ESRRG: variants seen among roughly 807,000 people sequenced by gnomAD.
ESRRG encodes the protein estrogen-related receptor gamma.
In ESRRG, 13 loss-of-function variants were observed where a neutral mutation model predicts 44.0. The ratio of observed to expected loss-of-function variants is 0.30; its 90% CI spans 0.19 to 0.47. The LOEUF (loss-of-function observed/expected upper bound fraction) is 0.47. ESRRG is among the 20% of genes least tolerant of loss of function. The probability of loss-of-function intolerance (pLI) is 1.00; values close to 1 mark genes in which losing one functional copy is unlikely to be tolerated. For synonymous variants in ESRRG, 215 were observed against 214.6 expected (o/e 1.00, Z -0.02); for missense variants, 395 against 580.6 (o/e 0.68, Z 3.29).
chr1:216,545,230 GTT>G (rs5780892), intron 5 of ESRRG, among the ~76,000 whole-genome samples: 10 of 139,592 alleles, frequency 7.2e-5, no homozygotes, highest in Admixed American at 1.4e-4. Context: ...TAATTTTTAT[GTT>G]TTTTTTTTTT....
intron 2 of ESRRG, among the ~76,000 whole-genome samples, chr1:216,782,313 G>C (rs144332885): frequency 4.9e-4 from 75 of 152,112 alleles, no homozygotes; most frequent in Middle Eastern, 3.4e-3. Context: ...ATTGCCACCT[G>C]TGAGTAATGG....
chr1:217,022,368 C>T (rs2080464449), intron 1 of ESRRG, among the ~76,000 whole-genome samples: 1 of 152,170 alleles, frequency 6.6e-6, no homozygotes, highest in Non-Finnish European at 1.5e-5. Flanking sequence ...CATCAATTAC[C>T]GATTTAGGGC....
At chr1:216,595,207 A>G (rs1328288725) in intron 3 of ESRRG, among the ~76,000 whole-genome samples, 1 of 151,732 alleles carries the variant, frequency 6.6e-6, no homozygotes, top group Admixed American at 6.5e-5. Context: ...GATAGAAAAC[A>G]TAGCTCATTT....
rs543347285 is a variant in ESRRG, at chr1:216,991,016, G to A, written c.-105-51343C>T. On this transcript the variant is annotated intron_variant, in intron 1 of 7. Transcript: ENST00000359162. ...ATAGCAGGAGGTGAGTGACAGGGAG[G>A]CGAGCACTACCATCTGAGCTCTGCC... Among the ~76,000 whole-genome samples the A allele has an allele frequency of 1.1e-4, 16 of 152,212 alleles. No homozygotes were observed. The East Asian group carries it at 3.1e-3, about 29-fold the overall frequency.
At chr1:217,018,474 T>C (rs1239557503) in intron 1 of ESRRG, among the ~76,000 whole-genome samples, 1 of 152,190 alleles carries the variant, frequency 6.6e-6, no homozygotes, top group East Asian at 1.9e-4. Context: ...ATCTAACTTT[T>C]TAATATCGTG....
chr1:216,803,977 T>C (rs1331014293), intron 2 of ESRRG, among the ~76,000 whole-genome samples: 1 of 151,912 alleles, frequency 6.6e-6, no homozygotes, highest in Admixed American at 6.6e-5. Context: ...AATCTGCCAG[T>C]ACCTCTCTCC....
At chr1:216,725,407 G>C (rs2087298625), upstream of ESRRG, among the ~76,000 whole-genome samples, 1 of 151,382 alleles carries the variant, frequency 6.6e-6, no homozygotes, top group African/African-American at 2.4e-5. Context: ...TTGAGATGTA[G>C]AAGAAAATCC....
At chr1:216,558,470 T>G (rs557739549) in intron 5 of ESRRG, among the ~76,000 whole-genome samples, 3 of 152,318 alleles carry the variant, frequency 2.0e-5, no homozygotes, top group Non-Finnish European at 4.4e-5. Context: ...AATTGATGTT[T>G]GTTCTGAATT....
intron 2 of ESRRG, among the ~76,000 whole-genome samples, chr1:216,936,387 C>A (rs1365566676): frequency 1.3e-5 from 2 of 151,950 alleles, no homozygotes; most frequent in Non-Finnish European, 2.9e-5. Flanking sequence ...AATTCACAAG[C>A]ATATTACCAT....
intron 2 of ESRRG, among the ~76,000 whole-genome samples, chr1:216,814,099 G>C (rs1044746675): frequency 1.5e-4 from 22 of 150,386 alleles, no homozygotes; most frequent in African/African-American, 4.6e-4. Flanking sequence ...TGCCCAAAAG[G>C]CTTAAGTCCT....
chr1:216,577,959 A>G (rs1025735139), intron 3 of ESRRG, among the ~76,000 whole-genome samples: 1 of 152,056 alleles, frequency 6.6e-6, no homozygotes, highest in Non-Finnish European at 1.5e-5. Context: ...TTAGCAATTC[A>G]CTGAAGACAA....
chr1:216,977,893 T>TA (rs2073256093), intron 1 of ESRRG, among the ~76,000 whole-genome samples: 1 of 152,068 alleles, frequency 6.6e-6, no homozygotes, highest in African/African-American at 2.4e-5. Flanking sequence ...AGATTCCTGA[T>TA]AAAAAGGGTG....
chr1:216,868,223 G>T (rs2096204413), intron 2 of ESRRG, among the ~76,000 whole-genome samples: 2 of 151,254 alleles, frequency 1.3e-5, no homozygotes, highest in Non-Finnish European at 2.9e-5. Flanking sequence ...AAGTAGCTTG[G>T]ATTACAGGCA....
intron 1 of ESRRG, among the ~76,000 whole-genome samples, chr1:216,692,450 T>C (rs2079246466): frequency 1.3e-5 from 2 of 152,176 alleles, no homozygotes; most frequent in Non-Finnish European, 2.9e-5. Context: ...ACTGTACATG[T>C]TTGTGTTCAA....
intron 1 of ESRRG, among the ~76,000 whole-genome samples, chr1:216,939,965 TA>T (rs1200124520): frequency 6.6e-6 from 1 of 152,186 alleles, no homozygotes; most frequent in Admixed American, 6.5e-5. Flanking sequence ...GCTCCTCTCT[TA>T]TTTATAGCAA....
At chr1:216,924,660 T>C (rs1018685194) in intron 2 of ESRRG, among the ~76,000 whole-genome samples, 1 of 152,216 alleles carries the variant, frequency 6.6e-6, no homozygotes, top group Non-Finnish European at 1.5e-5. Context: ...AAAACTATTG[T>C]TGCCATGGCA....
chr1:216,543,601 C>T (rs2053531762), intron 5 of ESRRG, among the ~76,000 whole-genome samples: 1 of 151,986 alleles, frequency 6.6e-6, no homozygotes, highest in Non-Finnish European at 1.5e-5. Flanking sequence ...GGAATTTCAA[C>T]ATGTACTATC....
chr1:216,862,035 C>A (rs1398102664), intron 2 of ESRRG, among the ~76,000 whole-genome samples: 1 of 152,092 alleles, frequency 6.6e-6, no homozygotes, highest in Admixed American at 6.5e-5. Context: ...AAAAGTCTGA[C>A]TAAACTAAGG....
intron 2 of ESRRG, among the ~76,000 whole-genome samples, chr1:216,733,804 A>C (rs2089334097): frequency 6.6e-6 from 1 of 151,960 alleles, no homozygotes; most frequent in Admixed American, 6.6e-5. Context: ...CAGCTTGACA[A>C]ACATAGCAAA....
Sources: gnomAD v4.1 joint callset for allele counts (sites outside exome capture counted in the v4.1 genomes callset) on GRCh38, gnomAD v4.1.1 for gene constraint, MANE v1.5 for transcripts, NCBI Gene and HGNC (gene_info 2026-07-23, HGNC 2026-07-21) for gene names.